The following TDRD10 variants were observed in gnomAD, a reference collection of about 807,000 sequenced individuals.
The protein encoded by TDRD10 is tudor domain containing 10.
Under a neutral mutation model 48.0 loss-of-function variants are expected in TDRD10, and 40 were observed. The ratio of observed to expected loss-of-function variants is 0.83; its 90% CI spans 0.65 to 1.09. The LOEUF is 1.09. Among genes scored for constraint, TDRD10 ranks in the 50% least tolerant of loss-of-function variants. The pLI is 0.00. For synonymous variants in TDRD10, 162 were observed against 170.4 expected, an observed-to-expected ratio of 0.95 and a Z score of 0.38; for missense variants, 378 against 434.7, an observed-to-expected ratio of 0.87 and a Z score of 1.16.
At chr1:154,534,928 A>G (rs1410903190) in intron 6 of TDRD10, among the ~76,000 whole-genome samples, 1 of 152,228 alleles carries the variant, frequency 6.6e-6, no homozygotes, top group East Asian at 1.9e-4. Context: ...AAAGCAGCCA[A>G]TGAGTGCCCA....
intron 11 of TDRD10, among the ~76,000 whole-genome samples, chr1:154,547,025 G>A (rs955058835): frequency 6.6e-6 from 1 of 152,096 alleles, no homozygotes; most frequent in Non-Finnish European, 1.5e-5. Flanking sequence ...ATGTAAGAGT[G>A]CTTGCGTCTC....
intron 4 of TDRD10, among the ~76,000 whole-genome samples, chr1:154,510,644 A>G (rs922447631): frequency 7.2e-5 from 11 of 152,114 alleles, no homozygotes; most frequent in Admixed American, 5.2e-4. Flanking sequence ...TTTTACCCTG[A>G]TTACAAACTA....
intron 6 of TDRD10, among the ~76,000 whole-genome samples, chr1:154,537,507 A>G (rs888151568): frequency 6.6e-6 from 1 of 152,176 alleles, no homozygotes; most frequent in Non-Finnish European, 1.5e-5. Flanking sequence ...TGGGCCCCTC[A>G]GGTGTTCCCA....
chr1:154,546,951 T>TTGCG (rs559696546), intron 11 of TDRD10, among the ~76,000 whole-genome samples: 125 of 151,664 alleles, frequency 8.2e-4, no homozygotes, highest in Non-Finnish European at 1.4e-3. Flanking sequence ...ATGGTGGGAG[T>TTGCG]TGCGTGAGGG....
At position 154,544,113 on chromosome 1, in the gene TDRD10, A is replaced by G. The variant is rs1474803386; in HGVS notation, c.651+3A>G. 9 of 1,613,914 alleles carry G rather than the reference A, an allele frequency of 5.6e-6. No individual in the cohort carries two copies. Among genetic ancestry groups the G allele is most frequent in the Non-Finnish European group, 7.6e-6 (9 of 1,179,996 alleles). On this transcript the variant is annotated splice_donor_region_variant and intron_variant, in intron 9 of 12. Transcript: ENST00000368482. ...TCTGGGCTATGCACGTCACTGAGGTATGGACTGGTTGTTGGCCCCCTCAGG... is the reference window on the plus strand; with the variant it reads ...TCTGGGCTATGCACGTCACTGAGGTGTGGACTGGTTGTTGGCCCCCTCAGG...
At chr1:154,519,649 T>A (rs1693950615) in intron 4 of TDRD10, among the ~76,000 whole-genome samples, 1 of 151,964 alleles carries the variant, frequency 6.6e-6, no homozygotes, top group African/African-American at 2.4e-5. Context: ...ATGGAGGCAT[T>A]AGGTGGAGAC....
chr1:154,516,645 C>T (rs527825615), intron 4 of TDRD10, among the ~76,000 whole-genome samples: 3 of 152,112 alleles, frequency 2.0e-5, no homozygotes, highest in Admixed American at 6.5e-5. Context: ...AGCTGGTTAA[C>T]GAGCACAGCA....
At chr1:154,520,395 G>A in intron 5 of TDRD10, 21 bp downstream of exon 5, 1 of 1,601,700 alleles carries the variant, frequency 6.2e-7, no homozygotes, top group Non-Finnish European at 8.6e-7. Flanking sequence ...TTCTTTCTTT[G>A]TTTTCTTTGG....
chr1:154,522,062 G>T (rs1048611801), intron 6 of TDRD10, among the ~76,000 whole-genome samples: 10 of 152,220 alleles, frequency 6.6e-5, no homozygotes, highest in Admixed American at 2.6e-4. Context: ...AGCCTGAAGT[G>T]TTAGTGCTAG....
At chr1:154,544,165 C>G in intron 9 of TDRD10, 55 bp downstream of exon 9, 1 of 1,611,464 alleles carries the variant, frequency 6.2e-7, no homozygotes, top group East Asian at 2.2e-5. Context: ...CGTGGCCTCC[C>G]TAGGGTGGGC....
At chr1:154,541,215 G>A (rs890206822) in intron 6 of TDRD10, among the ~76,000 whole-genome samples, 13 of 151,902 alleles carry the variant, frequency 8.6e-5, no homozygotes, top group African/African-American at 3.1e-4. Context: ...TGGGTCTGCA[G>A]GGTGAGGGCT....
chr1:154,537,005 T>C (rs1694954702), intron 6 of TDRD10, among the ~76,000 whole-genome samples: 1 of 152,170 alleles, frequency 6.6e-6, no homozygotes, highest in South Asian at 2.1e-4. Context: ...GATGAAAATA[T>C]CTTGTCACAC....
chr1:154,537,515 C>T (rs562185319), intron 6 of TDRD10, among the ~76,000 whole-genome samples: 2 of 152,178 alleles, frequency 1.3e-5, no homozygotes, highest in Non-Finnish European at 2.9e-5. Flanking sequence ...TCAGGTGTTC[C>T]CAGGTGCAGT....
intron 4 of TDRD10, among the ~76,000 whole-genome samples, chr1:154,518,457 T>C (rs942444380): frequency 6.6e-6 from 1 of 152,194 alleles, no homozygotes; most frequent in African/African-American, 2.4e-5. Flanking sequence ...AGACGGAGTC[T>C]TGCTCTGTCA....
chr1:154,544,601 TG>T (rs1418890921), intron 10 of TDRD10, 84 bp downstream of exon 10: 6 of 1,524,586 alleles, frequency 3.9e-6, no homozygotes, highest in Non-Finnish European at 1.8e-6. Flanking sequence ...CTTTGGGCTC[TG>T]GTTTTTTTTC....
chr1:154,540,299 G>A (rs1321089436), intron 6 of TDRD10, among the ~76,000 whole-genome samples: 1 of 152,070 alleles, frequency 6.6e-6, no homozygotes, highest in Non-Finnish European at 1.5e-5. Flanking sequence ...TGTCTTGGAG[G>A]AGGAGGTAGC....
At chr1:154,537,782 TC>T (rs1308788155) in intron 6 of TDRD10, among the ~76,000 whole-genome samples, 1 of 152,152 alleles carries the variant, frequency 6.6e-6, no homozygotes, top group Non-Finnish European at 1.5e-5. Context: ...CTGCACGGAC[TC>T]CCCAGCATCA....
intron 1 of TDRD10, among the ~76,000 whole-genome samples, chr1:154,504,881 G>A (rs778617697): frequency 2.0e-5 from 3 of 152,164 alleles, no homozygotes; most frequent in Non-Finnish European, 4.4e-5. Flanking sequence ...CAGCTATCTG[G>A]GAGGCTGAGG....
chr1:154,528,073 A>T (rs1389401145), intron 6 of TDRD10, among the ~76,000 whole-genome samples: 1 of 152,010 alleles, frequency 6.6e-6, no homozygotes, highest in East Asian at 1.9e-4. Flanking sequence ...TGTTTTCCTG[A>T]GGCTTACTTG....
Sources: gnomAD v4.1 joint callset for allele counts (sites outside exome capture counted in the v4.1 genomes callset) on GRCh38, gnomAD v4.1.1 for gene constraint, MANE v1.5 for transcripts, NCBI Gene and HGNC (gene_info 2026-07-23, HGNC 2026-07-21) for gene names.